The following SMARCC1 variants were observed in gnomAD, a reference collection of about 807,000 sequenced individuals.
SMARCC1 encodes SWI/SNF complex subunit SMARCC1.
Under a neutral mutation model 147.4 loss-of-function variants are expected in SMARCC1, and 43 were observed. The observed-to-expected ratio is 0.29, with a 90% CI of 0.23 to 0.38. The LOEUF (loss-of-function observed/expected upper bound fraction) is 0.38, where lower values mean the gene tolerates loss of function less well. Among genes scored for constraint, SMARCC1 ranks in the 10% least tolerant of loss-of-function variants. The pLI is 1.00. For missense variants in SMARCC1, 1,119 were observed against 1,381.1 expected (o/e 0.81, Z 3.01); for synonymous variants, 495 against 484.4 (o/e 1.02, Z -0.29).
intron 26 of SMARCC1, among the ~76,000 whole-genome samples, chr3:47,594,493 T>C (rs1264644134): frequency 1.3e-5 from 2 of 152,146 alleles, no homozygotes; most frequent in African/African-American, 2.4e-5. Flanking sequence ...AAATAGGCAG[T>C]GTTGAAGAGT....
chr3:47,736,844 A>C (rs1371974598), intron 4 of SMARCC1, among the ~76,000 whole-genome samples: 1 of 152,180 alleles, frequency 6.6e-6, no homozygotes, highest in Non-Finnish European at 1.5e-5. Flanking sequence ...CAACTTTCAC[A>C]TATTAAGTTA....
chr3:47,608,145 T>C (rs374982267), intron 26 of SMARCC1, among the ~76,000 whole-genome samples: 1 of 152,174 alleles, frequency 6.6e-6, no homozygotes, highest in Non-Finnish European at 1.5e-5. Context: ...TGGAGTGCAA[T>C]GGCACAATCT....
At chr3:47,691,929 G>A (rs534950025) in intron 12 of SMARCC1, among the ~76,000 whole-genome samples, 19 of 152,140 alleles carry the variant, frequency 1.2e-4, no homozygotes, top group Non-Finnish European at 2.9e-5. Context: ...GAACCCGGGA[G>A]GAGGAGGTTG....
At chr3:47,597,622 G>A (rs563954296) in intron 26 of SMARCC1, among the ~76,000 whole-genome samples, 3 of 152,080 alleles carry the variant, frequency 2.0e-5, no homozygotes, top group East Asian at 1.9e-4. Flanking sequence ...CACCATGCCC[G>A]GCCCACGCCA....
intron 6 of SMARCC1, among the ~76,000 whole-genome samples, chr3:47,721,316 A>G (rs1460199174): frequency 6.6e-6 from 1 of 152,160 alleles, no homozygotes; most frequent in African/African-American, 2.4e-5. Context: ...TCCCAACAAG[A>G]GTGTAAGCAA....
At chr3:47,717,066 A>C (rs1468262324) in intron 7 of SMARCC1, among the ~76,000 whole-genome samples, 2 of 152,214 alleles carry the variant, frequency 1.3e-5, no homozygotes, top group African/African-American at 4.8e-5. Flanking sequence ...AAAAGATTGT[A>C]TATACTTTTA....
intron 16 of SMARCC1, among the ~76,000 whole-genome samples, 188 bp downstream of exon 16, chr3:47,678,010 A>C (rs1352580502): frequency 6.6e-6 from 1 of 152,156 alleles, no homozygotes; most frequent in African/African-American, 2.4e-5. Flanking sequence ...TTAATAAAAT[A>C]GAATAAAAAT....
chr3:47,654,716 G>A (rs1284845527), intron 21 of SMARCC1, among the ~76,000 whole-genome samples: 1 of 152,224 alleles, frequency 6.6e-6, no homozygotes, highest in African/African-American at 2.4e-5. Flanking sequence ...ACCAAGAAGA[G>A]AAACCTGAGG....
rs865979815 is a variant in SMARCC1, at chr3:47,659,958, C to T, written c.2320+1336G>A. Among the ~76,000 whole-genome samples the T allele has an allele frequency of 5.3e-4, 80 of 152,024 alleles. 1 individual carries two copies. The Middle Eastern group carries it at 0.014, about 26-fold the overall frequency. On this transcript the variant is annotated intron_variant, in intron 21 of 27. Transcript: ENST00000254480. ...AAAAACTTAGAAATGTTATACATTA[C>T]GGGTAAGAACATAAAATGGTATAGC...
intron 19 of SMARCC1, among the ~76,000 whole-genome samples, chr3:47,665,854 T>C (rs896093032): frequency 8.9e-5 from 13 of 146,148 alleles, no homozygotes; most frequent in Admixed American, 1.4e-4. Flanking sequence ...CTCACTCTCT[T>C]TTTTTTTTTT....
At chr3:47,721,795 G>C (rs2034236066) in intron 6 of SMARCC1, among the ~76,000 whole-genome samples, 1 of 152,034 alleles carries the variant, frequency 6.6e-6, no homozygotes. Flanking sequence ...AAGATCACTT[G>C]AGCCCAGGAG....
chr3:47,781,544 G>A, intron 1 of SMARCC1, 59 bp downstream of exon 1: 2 of 1,301,378 alleles, frequency 1.5e-6, no homozygotes, highest in Admixed American at 3.8e-5. Context: ...CGCGAGGCCA[G>A]CTGCCGCCTC....
At chr3:47,741,769 A>G (rs1285381517) in intron 3 of SMARCC1, among the ~76,000 whole-genome samples, 1 of 151,548 alleles carries the variant, frequency 6.6e-6, no homozygotes, top group East Asian at 1.9e-4. Context: ...AAAAATAGAG[A>G]TGGGGTCTTG....
chr3:47,722,954 G>A (rs939347765), intron 6 of SMARCC1, among the ~76,000 whole-genome samples: 2 of 152,170 alleles, frequency 1.3e-5, no homozygotes, highest in African/African-American at 4.8e-5. Flanking sequence ...AGTTTAAGGT[G>A]GGGATGACTG....
intron 25 of SMARCC1, among the ~76,000 whole-genome samples, chr3:47,614,232 C>T (rs1485310172): frequency 2.0e-5 from 3 of 152,196 alleles, no homozygotes; most frequent in Admixed American, 1.3e-4. Flanking sequence ...ATGTGTACTT[C>T]TGGTAGCAGA....
intron 14 of SMARCC1, 63 bp downstream of exon 14, chr3:47,685,986 G>C: frequency 7.0e-7 from 1 of 1,435,994 alleles, no homozygotes; most frequent in Non-Finnish European, 9.5e-7. Context: ...GGCACAACCT[G>C]ATTTCAAGGA....
intron 7 of SMARCC1, among the ~76,000 whole-genome samples, chr3:47,720,016 C>A (rs2034210720): frequency 6.6e-6 from 1 of 152,102 alleles, no homozygotes; most frequent in Non-Finnish European, 1.5e-5. Flanking sequence ...CGATTACAGG[C>A]ATGGGCCACT....
At chr3:47,622,106 GACCAAGAGAACAGGCT>G in intron 25 of SMARCC1, 85 bp downstream of exon 25, 1 of 1,041,672 alleles carries the variant, frequency 9.6e-7, no homozygotes, top group South Asian at 1.4e-5. Context: ...TAGCCATGGA[GACCAAGAGAACAGGCT>G]ACCATTTATT....
intron 3 of SMARCC1, among the ~76,000 whole-genome samples, chr3:47,740,657 C>T (rs1023631287): frequency 4.6e-5 from 7 of 151,934 alleles, no homozygotes; most frequent in African/African-American, 1.7e-4. Flanking sequence ...CTTAATACAT[C>T]CTGTGCACAA....
Sources: allele counts gnomAD v4.1 joint callset (sites outside exome capture counted in the v4.1 genomes callset), GRCh38; gene constraint gnomAD v4.1.1; transcripts MANE v1.5; gene names NCBI Gene and HGNC (gene_info 2026-07-23, HGNC 2026-07-21).